CD55: variants seen among roughly 807,000 people sequenced by gnomAD.
CD55 encodes CD55 molecule (Cromer blood group), also known as complement decay-accelerating factor.
CD55 carries 41 observed loss-of-function variants against 45.8 expected under a neutral mutation model. That is an observed-to-expected ratio of 0.90 (90% CI 0.70 to 1.16). The LOEUF (loss-of-function observed/expected upper bound fraction) is 1.16, where lower values mean the gene tolerates loss of function less well. Among genes scored for constraint, CD55 ranks in the 50% most tolerant of loss-of-function variants. The probability of loss-of-function intolerance (pLI) is 0.00; values close to 1 mark genes in which losing one functional copy is unlikely to be tolerated. For missense variants in CD55, 416 were observed against 469.8 expected (o/e 0.89, Z 1.06); for synonymous variants, 181 against 181.1 (o/e 1.00, Z 0.01).
intron 9 of CD55, among the ~76,000 whole-genome samples, chr1:207,348,567 T>C (rs942963516): frequency 6.6e-6 from 1 of 152,358 alleles, no homozygotes; most frequent in East Asian, 1.9e-4. Context: ...AGAAGCACTT[T>C]AGTTTAATTA....
At chr1:207,346,181 G>C (rs1356714675) in intron 9 of CD55, among the ~76,000 whole-genome samples, 2 of 152,236 alleles carry the variant, frequency 1.3e-5, no homozygotes, top group African/African-American at 4.8e-5. Context: ...GCCAGTGTTG[G>C]CTGTGGGTGC....
chr1:207,338,975 G>A (rs924605410), intron 8 of CD55, among the ~76,000 whole-genome samples: 1 of 152,084 alleles, frequency 6.6e-6, no homozygotes, highest in African/African-American at 2.4e-5. Context: ...TAAATAATAA[G>A]GTGATATGGC....
chr1:207,337,883 C>A (rs1655255667), intron 8 of CD55, among the ~76,000 whole-genome samples: 1 of 152,094 alleles, frequency 6.6e-6, no homozygotes, highest in Non-Finnish European at 1.5e-5. Context: ...ATTGAAAATA[C>A]AGAGATCCTT....
Position 207,326,767 on chromosome 1 carries a change from C to G in CD55, c.594C>G (p.Gly198=), listed in dbSNP as rs1053346766. ...FSCNTGYKLF[G]STSSFCLISG... is the part of the protein sequence containing the mutation. ...GTTGCTTTAGGTACAAATTATTTGG[C>G]TCGACTTCTAGTTTTTGTCTTATTT... is the stretch of plus-strand genomic sequence containing the variant. The change falls in exon 5 of 10, where the codon GGC becomes GGG. Residue 198 remains glycine, a synonymous_variant. Transcript: ENST00000367064. 1.7e-5 allele frequency: 27 copies of G among 1,613,516 alleles called. No homozygotes were observed. Among genetic ancestry groups the G allele is most frequent in the Non-Finnish European group, 2.3e-5 (27 of 1,179,598 alleles).
intron 9 of CD55, among the ~76,000 whole-genome samples, chr1:207,353,209 C>A (rs1429610483): frequency 2.6e-5 from 4 of 151,706 alleles, no homozygotes; most frequent in Admixed American, 2.6e-4. Flanking sequence ...AGTGACAGAC[C>A]AAGAGACAAT....
At chr1:207,321,946 C>G (rs1654426652) in intron 1 of CD55, 81 bp downstream of exon 1, 10 of 1,030,690 alleles carry the variant, frequency 9.7e-6, no homozygotes, top group Non-Finnish European at 1.4e-5. Context: ...GCACAGGGGC[C>G]GGCGACTTGG....
intron 9 of CD55, among the ~76,000 whole-genome samples, chr1:207,358,983 T>C (rs1301004881): frequency 6.6e-6 from 1 of 152,166 alleles, no homozygotes; most frequent in African/African-American, 2.4e-5. Context: ...TTGACCTACC[T>C]TGTATTTCTC....
chr1:207,350,071 A>G, intron 9 of CD55: 1 of 453,520 alleles, frequency 2.2e-6, no homozygotes, highest in Non-Finnish European at 4.4e-6. Flanking sequence ...ACATGAAGGG[A>G]TGTTGAATGT....
At chr1:207,359,516 CT>C (rs56236833) in intron 9 of CD55, 29 bp from the exon 10 acceptor site, 28,862 of 1,264,586 alleles carry the variant, frequency 0.023, no homozygotes, top group South Asian at 0.033. Flanking sequence ...TTGATTTTAA[CT>C]TTTTTTTTTT....
intron 9 of CD55, among the ~76,000 whole-genome samples, chr1:207,346,611 G>T (rs1049531150): frequency 6.6e-6 from 1 of 152,140 alleles, no homozygotes; most frequent in African/African-American, 2.4e-5. Flanking sequence ...AGCCATAGCC[G>T]CATGCACTGG....
chr1:207,333,003 TA>T (rs1655017401), intron 6 of CD55, among the ~76,000 whole-genome samples: 2 of 152,264 alleles, frequency 1.3e-5, no homozygotes, highest in South Asian at 4.2e-4. Context: ...TATGGAGGGA[TA>T]GGGTAATACA....
At chr1:207,332,574 GTAT>G (rs1654997277) in intron 6 of CD55, among the ~76,000 whole-genome samples, 1 of 152,062 alleles carries the variant, frequency 6.6e-6, no homozygotes, top group Admixed American at 6.5e-5. Context: ...GTAAAAATTT[GTAT>G]TATTTGAATT....
At chr1:207,352,375 CTG>C (rs1655900127) in intron 9 of CD55, among the ~76,000 whole-genome samples, 1 of 151,970 alleles carries the variant, frequency 6.6e-6, no homozygotes, top group Admixed American at 6.6e-5. Context: ...TATCTGCACT[CTG>C]TACTTAAAAA....
intron 2 of CD55, among the ~76,000 whole-genome samples, chr1:207,323,501 C>T (rs966365246): frequency 3.3e-5 from 5 of 151,954 alleles, no homozygotes; most frequent in Admixed American, 6.6e-5. Context: ...CTTATGTGCC[C>T]TTTGATTTCA....
chr1:207,345,966 A>G (rs1655618797), intron 9 of CD55, among the ~76,000 whole-genome samples: 1 of 152,160 alleles, frequency 6.6e-6, no homozygotes, highest in African/African-American at 2.4e-5. Context: ...TGGTGGGCTG[A>G]GTTTGCCTGT....
chr1:207,322,168 T>C (rs1426468704), intron 1 of CD55: 9 of 701,822 alleles, frequency 1.3e-5, no homozygotes, highest in Non-Finnish European at 2.4e-5. Context: ...GACTGTATCC[T>C]TAACCCCCAA....
chr1:207,337,300 A>C (rs757195807), intron 7 of CD55, 29 bp from the exon 8 acceptor site: 4 of 1,406,948 alleles, frequency 2.8e-6, no homozygotes, highest in Non-Finnish European at 4.0e-6. Flanking sequence ...TCAAGAGTAC[A>C]CAAAGATTCC....
intron 9 of CD55, among the ~76,000 whole-genome samples, chr1:207,353,493 G>A (rs1026357348): frequency 2.0e-5 from 3 of 152,068 alleles, no homozygotes; most frequent in Non-Finnish European, 4.4e-5. Context: ...ACTTTCAAGA[G>A]TCTTGACTCT....
At chr1:207,329,718 C>T (rs1300655365) in intron 5 of CD55, among the ~76,000 whole-genome samples, 5 of 151,912 alleles carry the variant, frequency 3.3e-5, no homozygotes, top group African/African-American at 1.2e-4. Flanking sequence ...CCCAAGTGAT[C>T]CTCCCACCTC....
Sources: gnomAD v4.1 joint callset for allele counts (sites outside exome capture counted in the v4.1 genomes callset) on GRCh38, gnomAD v4.1.1 for gene constraint, MANE v1.5 for transcripts, NCBI Gene and HGNC (gene_info 2026-07-23, HGNC 2026-07-21) for gene names.